Variants in SMAP1 observed in about 807,000 individuals in gnomAD.
The protein encoded by SMAP1 is small ArfGAP 1, also known as stromal membrane-associated protein 1.
A neutral mutation model predicts 58.5 loss-of-function variants in SMAP1; 24 were observed. The observed-to-expected ratio is 0.41, with a 90% CI of 0.30 to 0.58. SMAP1 has a LOEUF of 0.58. Ranked by LOEUF, SMAP1 falls within the 20% of genes least tolerant of loss-of-function variation. The pLI, the probability that SMAP1 is intolerant of heterozygous loss-of-function variation, is 0.29. For missense variants in SMAP1, 563 were observed against 566.3 expected, an observed-to-expected ratio of 0.99 and a Z score of 0.06; for synonymous variants, 216 against 196.6, an observed-to-expected ratio of 1.10 and a Z score of -0.82.
At chr6:70,697,544 G>A (rs370076265) in intron 1 of SMAP1, among the ~76,000 whole-genome samples, 1 of 152,158 alleles carries the variant, frequency 6.6e-6, no homozygotes, top group African/African-American at 2.4e-5. Flanking sequence ...CTGACCTCGT[G>A]ATTTGCCTGC....
intron 9 of SMAP1, chr6:70,857,270 G>C: frequency 3.1e-6 from 1 of 327,262 alleles, no homozygotes; most frequent in Non-Finnish European, 5.5e-6. Flanking sequence ...ACTAAATGTT[G>C]TTTCACAAGC....
chr6:70,706,050 T>C (rs1051773471), intron 1 of SMAP1, among the ~76,000 whole-genome samples: 1 of 152,182 alleles, frequency 6.6e-6, no homozygotes, highest in Non-Finnish European at 1.5e-5. Context: ...ATGACAGCAC[T>C]TGGTGGTTAG....
chr6:70,696,690 G>T (rs536238467), intron 1 of SMAP1, among the ~76,000 whole-genome samples: 1 of 152,268 alleles, frequency 6.6e-6, no homozygotes, highest in African/African-American at 2.4e-5. Flanking sequence ...AATGATCCAT[G>T]TGCTGAGGAG....
At chr6:70,692,011 T>C (rs957961681) in intron 1 of SMAP1, among the ~76,000 whole-genome samples, 1 of 152,158 alleles carries the variant, frequency 6.6e-6, no homozygotes. Context: ...GGTAGGTCTA[T>C]TTTTGGTTTT....
At chr6:70,778,604 A>C (rs1043704445) in intron 4 of SMAP1, among the ~76,000 whole-genome samples, 1 of 152,182 alleles carries the variant, frequency 6.6e-6, no homozygotes, top group African/African-American at 2.4e-5. Context: ...ATGTCATAGG[A>C]CCCAGATGAG....
chr6:70,729,459 TTGTGTGTGTGTGTG>T (rs35058846), intron 1 of SMAP1, among the ~76,000 whole-genome samples: 4 of 128,168 alleles, frequency 3.1e-5, no homozygotes, highest in East Asian at 4.5e-4. Context: ...AAAAAGAAGG[TTGTGTGTGTGTGTG>T]TGTGTGTGTG....
intron 2 of SMAP1, among the ~76,000 whole-genome samples, chr6:70,748,373 T>TC (rs1049340796): frequency 6.6e-6 from 1 of 151,978 alleles, no homozygotes; most frequent in Non-Finnish European, 1.5e-5. Context: ...GCAAGTAGTT[T>TC]CCCCCCTCCC....
chr6:70,755,807 A>G (rs544321808), intron 3 of SMAP1, among the ~76,000 whole-genome samples: 1 of 152,018 alleles, frequency 6.6e-6, no homozygotes, highest in Non-Finnish European at 1.5e-5. Flanking sequence ...AATCATTTCC[A>G]TATATTCTTT....
At chr6:70,788,585 T>G (rs1768190454) in intron 4 of SMAP1, among the ~76,000 whole-genome samples, 1 of 152,010 alleles carries the variant, frequency 6.6e-6, no homozygotes, top group African/African-American at 2.4e-5. Flanking sequence ...TAACTCAAAA[T>G]TAAAGGATGA....
At position 70,858,483 on chromosome 6, in the gene SMAP1, ATGTAAC is replaced by A. The variant is rs1195521288; in HGVS notation, c.1269+261_1269+266del. 9.1e-6 allele frequency: 3 copies of A among 328,530 alleles called. No homozygotes were observed. In the Admixed American group the frequency reaches 1.4e-4, roughly 15 times the overall value. 20.4% of individuals were successfully genotyped at this position (328,530 alleles called of 1,614,324 possible). A position where few individuals can be genotyped will look rare whatever the true frequency, so the allele number is the denominator to read the frequency against. Reference sequence around the variant, plus strand: ...TAAACATCTTTCATTTCAAATTGTAATGTAACTGTAACGTGAACACCACTAATGGCC... The same window carrying A: ...TAAACATCTTTCATTTCAAATTGTAATGTAACGTGAACACCACTAATGGCC... On this transcript the variant is annotated intron_variant, in intron 10 of 10. Transcript: ENST00000370455.
intron 1 of SMAP1, among the ~76,000 whole-genome samples, chr6:70,696,935 A>G (rs1767428973): frequency 6.6e-6 from 1 of 152,206 alleles, no homozygotes; most frequent in African/African-American, 2.4e-5. Flanking sequence ...GGGTGCATAT[A>G]TATTTACAAT....
rs535888747 is a variant in SMAP1, at chr6:70,770,078, C to T, written c.339-3272C>T. ...TTTTAAGAATGTTGAATATTGGCCC[C>T]CACTCTCTTCTGGCTTGTAGAGTTT... On this transcript the variant is annotated intron_variant, in intron 3 of 10. Coordinates refer to ENST00000370455, the MANE Select transcript of SMAP1 (RefSeq NM_001044305.3). Among the ~76,000 whole-genome samples the T allele has an allele frequency of 1.3e-4, 19 of 151,724 alleles. No individual in the cohort carries two copies. The South Asian group carries it at 3.3e-3, about 27-fold the overall frequency.
chr6:70,807,948 T>A (rs1420348058), intron 6 of SMAP1, among the ~76,000 whole-genome samples: 6 of 151,312 alleles, frequency 4.0e-5, no homozygotes, highest in Non-Finnish European at 7.4e-5. Context: ...ATTTTGTATG[T>A]CACATGTATT....
intron 6 of SMAP1, among the ~76,000 whole-genome samples, chr6:70,811,888 G>A (rs1396365802): frequency 1.3e-5 from 2 of 152,054 alleles, no homozygotes; most frequent in African/African-American, 4.8e-5. Flanking sequence ...TGAAACCTTG[G>A]GTCGTACCAA....
intron 1 of SMAP1, among the ~76,000 whole-genome samples, chr6:70,718,312 A>G (rs932749950): frequency 6.6e-6 from 1 of 152,200 alleles, no homozygotes; most frequent in Non-Finnish European, 1.5e-5. Flanking sequence ...AGAAGATAAA[A>G]TAATCAAGAT....
intron 8 of SMAP1, among the ~76,000 whole-genome samples, chr6:70,853,387 A>G (rs1582312263): frequency 6.6e-6 from 1 of 152,188 alleles, no homozygotes; most frequent in African/African-American, 2.4e-5. Flanking sequence ...TTAAGATTCT[A>G]TCTTAAGTTT....
chr6:70,680,712 GTTTT>G lies in SMAP1; in HGVS notation c.118+12592_118+12595del, dbSNP rs34867967. Among the ~76,000 whole-genome samples, 11 of 78,996 alleles carry G rather than the reference GTTTT, an allele frequency of 1.4e-4. No homozygotes were observed. The East Asian group carries it at 4.7e-3, about 34-fold the overall frequency. 51.8% of individuals were successfully genotyped at this position (78,996 alleles called of 152,430 possible). ...TACATTACAATTACATGGATTTCCT[GTTTT>G]TTTTTTTTTTTTTTTTTTTTGAGTT... On this transcript the variant is annotated intron_variant, in intron 1 of 10. Coordinates refer to ENST00000370455, the MANE Select transcript of SMAP1 (RefSeq NM_001044305.3).
At chr6:70,771,380 T>G (rs1014703190) in intron 3 of SMAP1, among the ~76,000 whole-genome samples, 19 of 152,332 alleles carry the variant, frequency 1.2e-4, no homozygotes, top group African/African-American at 4.6e-4. Flanking sequence ...CCGGCAGGCC[T>G]CCTTGAGCTG....
chr6:70,668,080 C>T lies in SMAP1; in HGVS notation c.57C>T (p.Leu19=), dbSNP rs748807136. ...AGAAGCTGAACGAGCAGCACCAGCT[C>T]ATCCTATCCAAGCTTCTGAGGGAGG... ...KAQKLNEQHQ[L]ILSKLLREED... The change falls in exon 1 of 11, where the codon CTC becomes CTT. Residue 19 remains leucine, a synonymous_variant. Coordinates refer to ENST00000370455, the MANE Select transcript of SMAP1 (RefSeq NM_001044305.3). 12 of 1,606,098 alleles carry T rather than the reference C, an allele frequency of 7.5e-6. No homozygotes were observed. The Admixed American group carries it at 1.7e-4, about 23-fold the overall frequency.
Sources: allele counts gnomAD v4.1 joint callset (sites outside exome capture counted in the v4.1 genomes callset), GRCh38; gene constraint gnomAD v4.1.1; transcripts MANE v1.5; gene names NCBI Gene and HGNC (gene_info 2026-07-23, HGNC 2026-07-21).